NEDD9: variants seen among roughly 807,000 people sequenced by gnomAD.
NEDD9 encodes the protein neural precursor cell expressed, developmentally down-regulated 9.
Under a neutral mutation model 76.6 loss-of-function variants are expected in NEDD9, and 26 were observed. The ratio of observed to expected loss-of-function variants is 0.34; its 90% CI spans 0.25 to 0.47. The LOEUF is 0.47. NEDD9 is among the 20% of genes least tolerant of loss of function. The pLI is 1.00. For missense variants in NEDD9, 937 were observed against 1,058.5 expected (o/e 0.89, Z 1.59); for synonymous variants, 392 against 414.2 (o/e 0.95, Z 0.65).
At chr6:11,296,926 G>A (rs976809616) in intron 3 of NEDD9, among the ~76,000 whole-genome samples, 5 of 151,888 alleles carry the variant, frequency 3.3e-5, no homozygotes, top group African/African-American at 1.2e-4. Flanking sequence ...ACATGGTTTC[G>A]CCATCTTGCC....
At chr6:11,357,048 G>C (rs2113545459) in intron 1 of NEDD9, among the ~76,000 whole-genome samples, 1 of 152,274 alleles carries the variant, frequency 6.6e-6, no homozygotes, top group East Asian at 1.9e-4. Context: ...GTCTCGTTGA[G>C]CCACCATTTT....
chr6:11,366,020 T>C (rs1762758006), intron 1 of NEDD9, among the ~76,000 whole-genome samples: 3 of 151,388 alleles, frequency 2.0e-5, no homozygotes, highest in Admixed American at 2.0e-4. Flanking sequence ...GCGTGGTGGC[T>C]CACACCTGTA....
chr6:11,261,657 G>C (rs1760118502), intron 3 of NEDD9, among the ~76,000 whole-genome samples: 1 of 152,164 alleles, frequency 6.6e-6, no homozygotes, highest in South Asian at 2.1e-4. Context: ...TAATTCTAGT[G>C]AGTATGACTA....
chr6:11,193,676 C>T lies in NEDD9; in HGVS notation c.476G>A (p.Arg159Lys). 6.2e-7 allele frequency: 1 copy of T among 1,613,798 alleles called. No homozygotes were observed. The change falls in exon 3 of 7, where the codon AGG becomes AAG. Residue 159 changes from arginine to lysine, a missense_variant. Coordinates refer to ENST00000379446, the MANE Select transcript of NEDD9 (RefSeq NM_006403.4). ...CTCGTATACGTAGCCATGGCCTGTCCTCACGGGGGTTATCACCTGTGGGAG... is the reference window on the plus strand; with the variant it reads ...CTCGTATACGTAGCCATGGCCTGTCTTCACGGGGGTTATCACCTGTGGGAG... The part of the protein sequence containing the change: ...HVGKKVITPV[R>K]TGHGYVYEYP...
rs116401852 is a variant in NEDD9 at position 11,367,884 on chromosome 6, C to T, written c.-214+14255G>A. On this transcript the variant is annotated intron_variant, in intron 1 of 3. Transcript: ENST00000397378. The stretch of plus-strand genomic sequence containing the variant: ...ACACAGCACCCCTTGCAAATAAGTC[C>T]GGCAGAGCTATGGAATTTTGGCCTT... 9.3e-3 allele frequency among the ~76,000 whole-genome samples: 1,414 copies of T among 152,302 alleles called. 28 individuals carry two copies. Among genetic ancestry groups the T allele is most frequent in the African/African-American group, 0.032 (1,331 of 41,556 alleles).
intron 3 of NEDD9, among the ~76,000 whole-genome samples, chr6:11,238,810 C>T (rs1210955391): frequency 2.0e-5 from 3 of 152,148 alleles, no homozygotes; most frequent in African/African-American, 7.2e-5. Flanking sequence ...GGCCTCTCTC[C>T]TTTAAGTATG....
chr6:11,202,840 T>G (rs961325892), intron 2 of NEDD9, among the ~76,000 whole-genome samples: 1 of 152,252 alleles, frequency 6.6e-6, no homozygotes, highest in Non-Finnish European at 1.5e-5. Flanking sequence ...CCTGATTTTA[T>G]GCCAGAACTA....
At chr6:11,320,460 G>C (rs1327552515) in intron 2 of NEDD9, among the ~76,000 whole-genome samples, 1 of 152,122 alleles carries the variant, frequency 6.6e-6, no homozygotes, top group Non-Finnish European at 1.5e-5. Flanking sequence ...GGTCCACACG[G>C]TGCCTACGAT....
intron 2 of NEDD9, among the ~76,000 whole-genome samples, chr6:11,314,508 G>T (rs1456363103): frequency 6.6e-6 from 1 of 152,164 alleles, no homozygotes; most frequent in Non-Finnish European, 1.5e-5. Flanking sequence ...TCTCTCTATA[G>T]ATTGAAATAA....
At chr6:11,229,844 G>T (rs1255284172) in intron 1 of NEDD9, among the ~76,000 whole-genome samples, 1 of 152,158 alleles carries the variant, frequency 6.6e-6, no homozygotes, top group African/African-American at 2.4e-5. Context: ...CAGTTCTCAG[G>T]ATTACTGCAA....
intron 2 of NEDD9, among the ~76,000 whole-genome samples, chr6:11,205,631 T>C (rs116101287): frequency 0.014 from 2,016 of 147,540 alleles, 37 homozygotes; most frequent in African/African-American, 0.046. Context: ...ACATCCTACT[T>C]TTTTTTTTTT....
intron 2 of NEDD9, among the ~76,000 whole-genome samples, chr6:11,332,259 T>C (rs1490824602): frequency 6.6e-6 from 1 of 152,172 alleles, no homozygotes; most frequent in African/African-American, 2.4e-5. Flanking sequence ...GCCAGGTTTG[T>C]TTTCCAATGA....
intron 1 of NEDD9, among the ~76,000 whole-genome samples, chr6:11,348,956 G>A (rs1275525017): frequency 2.0e-5 from 3 of 152,140 alleles, no homozygotes; most frequent in Non-Finnish European, 4.4e-5. Context: ...CTTCTGCACA[G>A]CAAAAGAAAC....
upstream of NEDD9, chr6:11,232,764 C>G: frequency 7.6e-7 from 1 of 1,312,260 alleles, no homozygotes; most frequent in Non-Finnish European, 1.0e-6. Flanking sequence ...TCAGGCCCTG[C>G]CCACCCCTAA....
intron 3 of NEDD9, among the ~76,000 whole-genome samples, chr6:11,257,945 T>C (rs1036820960): frequency 1.3e-5 from 2 of 152,230 alleles, no homozygotes; most frequent in Non-Finnish European, 2.9e-5. Flanking sequence ...TCTGAAGTTT[T>C]CATTTACAGT....
intron 3 of NEDD9, among the ~76,000 whole-genome samples, chr6:11,289,721 G>A (rs1323678652): frequency 1.3e-5 from 2 of 152,108 alleles, no homozygotes; most frequent in Admixed American, 6.5e-5. Flanking sequence ...AAAGTGCTGG[G>A]ATTACAGGCG....
upstream of NEDD9, among the ~76,000 whole-genome samples, chr6:11,237,371 T>C (rs149107280): frequency 6.5e-4 from 99 of 152,296 alleles, no homozygotes; most frequent in Middle Eastern, 3.4e-3. This position sits in a 1 kb window ranked among gnomAD's most constrained non-coding sequence, Gnocchi z 4.9. Context: ...TCAAAGAACG[T>C]ATGTTTATCA....
chr6:11,327,231 C>T (rs1254673466), intron 2 of NEDD9, among the ~76,000 whole-genome samples: 1 of 152,150 alleles, frequency 6.6e-6, no homozygotes, highest in African/African-American at 2.4e-5. Context: ...TTCCTTAGTC[C>T]TTTTACCACT....
At chr6:11,334,586 C>T (rs959019775) in intron 1 of NEDD9, 4 of 152,114 alleles carry the variant, frequency 2.6e-5, no homozygotes, top group Admixed American at 6.6e-5. Flanking sequence ...TTGGAGCAAA[C>T]GTTAATTGCA....
Sources: gnomAD v4.1 joint callset for allele counts (sites outside exome capture counted in the v4.1 genomes callset) on GRCh38, gnomAD v4.1.1 for gene constraint, Gnocchi (gnomAD v3.1) non-coding constraint, MANE v1.5 for transcripts, NCBI Gene and HGNC (gene_info 2026-07-23, HGNC 2026-07-21) for gene names.